Variants in LANCL2 observed in about 807,000 individuals in gnomAD.
The protein encoded by LANCL2 is LanC like glutathione S-transferase 2.
In LANCL2, 33 loss-of-function variants were observed where a neutral mutation model predicts 56.9. The observed-to-expected ratio is 0.58, with a 90% CI of 0.44 to 0.78. LANCL2 has a LOEUF of 0.78. Ranked by LOEUF, LANCL2 falls within the 30% of genes least tolerant of loss-of-function variation. LANCL2 has a pLI of 0.00. For missense variants in LANCL2, 562 were observed against 580.2 expected (o/e 0.97, Z 0.32); for synonymous variants, 233 against 228.2 (o/e 1.02, Z -0.19).
intron 1 of LANCL2, among the ~76,000 whole-genome samples, chr7:55,390,544 T>C (rs912897443): frequency 6.6e-6 from 1 of 152,128 alleles, no homozygotes; most frequent in African/African-American, 2.4e-5. Context: ...AGGCAGAGGT[T>C]GCAGTGAGCC....
In LANCL2 at chr7:55,401,160, T is replaced by G; in HGVS notation, c.679-14T>G. On this transcript the variant is annotated splice_polypyrimidine_tract_variant and intron_variant, in intron 4 of 8. Coordinates refer to ENST00000254770, the MANE Select transcript of LANCL2 (RefSeq NM_018697.4). ...ATACAGTTTTAGATTTATGCTGTCT[T>G]GTTATCTCTGTAGGTAGTCAATGCT... The G allele has an allele frequency of 6.2e-7, 1 of 1,612,812 alleles. No homozygotes were observed. The highest frequency in any genetic ancestry group is 8.5e-7 in the Non-Finnish European group (1 of 1,178,862).
At chr7:55,375,800 T>C (rs1349779583) in intron 1 of LANCL2, among the ~76,000 whole-genome samples, 1 of 152,200 alleles carries the variant, frequency 6.6e-6, no homozygotes, top group Non-Finnish European at 1.5e-5. Context: ...TTGAAGCTGT[T>C]GGCCAAATCC....
chr7:55,377,456 C>CTTCCCCTA (rs1484452627), intron 1 of LANCL2, among the ~76,000 whole-genome samples: 2 of 152,104 alleles, frequency 1.3e-5, no homozygotes, highest in Non-Finnish European at 2.9e-5. Context: ...TTTCTGTCTC[C>CTTCCCCTA]TTCCCCTATT....
intron 1 of LANCL2, among the ~76,000 whole-genome samples, chr7:55,389,137 G>A: frequency 6.6e-6 from 1 of 152,194 alleles, no homozygotes; most frequent in East Asian, 1.9e-4. Context: ...TTCTGCATAG[G>A]AGCCATGCTG....
At chr7:55,408,503 T>TA (rs751792291) in intron 5 of LANCL2, among the ~76,000 whole-genome samples, 111 of 151,876 alleles carry the variant, frequency 7.3e-4, no homozygotes, top group Middle Eastern at 3.4e-3. Flanking sequence ...CCGTCTCTAC[T>TA]AAAAAAATAC....
chr7:55,413,822 A>C lies in LANCL2; in HGVS notation c.1008+1733A>C, dbSNP rs540369291. Among the ~76,000 whole-genome samples, 3 of 152,350 alleles carry C rather than the reference A, an allele frequency of 2.0e-5. No homozygotes were observed. The East Asian group carries it at 5.8e-4, about 29-fold the overall frequency. Reference sequence around the variant, plus strand: ...TCTTTAAAACTTAATTCTGTCCTCTACATTAAGATTCTTGAACATGAGGAA... The same window carrying C: ...TCTTTAAAACTTAATTCTGTCCTCTCCATTAAGATTCTTGAACATGAGGAA... On this transcript the variant is annotated intron_variant, in intron 6 of 8. Coordinates refer to ENST00000254770, the MANE Select transcript of LANCL2 (RefSeq NM_018697.4).
intron 1 of LANCL2, among the ~76,000 whole-genome samples, chr7:55,389,253 G>T (rs568905740): frequency 2.0e-5 from 3 of 152,228 alleles, no homozygotes; most frequent in African/African-American, 7.2e-5. Flanking sequence ...AATAAATGGG[G>T]TCTGTCCCAC....
chr7:55,369,478 G>A (rs1321066923), intron 1 of LANCL2, among the ~76,000 whole-genome samples: 3 of 152,106 alleles, frequency 2.0e-5, no homozygotes, highest in African/African-American at 7.2e-5. Context: ...CCATAAATTG[G>A]TATTTATAAC....
At chr7:55,394,039 T>A (rs546470950) in intron 2 of LANCL2, 1 of 152,192 alleles carries the variant, frequency 6.6e-6, no homozygotes, top group Non-Finnish European at 1.5e-5. Flanking sequence ...TGCATCACAA[T>A]TACCAAGAGA....
chr7:55,382,005 G>A (rs1480379375), intron 1 of LANCL2, among the ~76,000 whole-genome samples: 2 of 152,196 alleles, frequency 1.3e-5, no homozygotes, highest in Admixed American at 1.3e-4. Context: ...TTTAAGTCCT[G>A]CTTTTAGGTA....
intron 1 of LANCL2, among the ~76,000 whole-genome samples, chr7:55,368,896 G>A (rs1030624479): frequency 6.6e-6 from 1 of 152,226 alleles, no homozygotes; most frequent in African/African-American, 2.4e-5. Flanking sequence ...TGTAATACCA[G>A]CACTTTGGGA....
At chr7:55,430,393 C>T (rs1790714666) in intron 8 of LANCL2, among the ~76,000 whole-genome samples, 1 of 152,162 alleles carries the variant, frequency 6.6e-6, no homozygotes, top group Non-Finnish European at 1.5e-5. Flanking sequence ...TGGCCATGCT[C>T]ATAAGAGTGC....
intron 2 of LANCL2, among the ~76,000 whole-genome samples, chr7:55,397,921 G>A (rs907884159): frequency 1.3e-5 from 2 of 151,700 alleles, no homozygotes; most frequent in Non-Finnish European, 2.9e-5. Context: ...CAGTTGTAGG[G>A]TTGTTCACTA....
intron 7 of LANCL2, 58 bp downstream of exon 7, chr7:55,425,488 G>A (rs1361131584): frequency 3.4e-6 from 5 of 1,490,874 alleles, no homozygotes; most frequent in Non-Finnish European, 2.8e-6. Flanking sequence ...ACAGAATCCA[G>A]AGTCCAGAAG....
At chr7:55,408,536 G>C (rs1790436179) in intron 5 of LANCL2, among the ~76,000 whole-genome samples, 1 of 152,142 alleles carries the variant, frequency 6.6e-6, no homozygotes, top group African/African-American at 2.4e-5. Context: ...GGGCCTCATA[G>C]CGGGCACCTG....
In LANCL2 at chr7:55,431,447, A is replaced by T; in HGVS notation, c.*127A>T. 1 of 620,860 alleles carries T rather than the reference A, an allele frequency of 1.6e-6. No homozygotes were observed. Among genetic ancestry groups the T allele is most frequent in the Non-Finnish European group, 2.8e-6 (1 of 362,480 alleles). The allele number at this position is 620,860 out of a possible 1,614,324, so 38.5% of individuals were successfully genotyped here. On this transcript the variant is annotated 3_prime_UTR_variant, in exon 9 of 9. Coordinates refer to ENST00000254770, the MANE Select transcript of LANCL2 (RefSeq NM_018697.4). ...CACCGTCACAGGCCCCTCTGGTTAG[A>T]CTAGCATGAGTGACCGAAGCCATCC...
At chr7:55,384,416 G>A (rs1385568232) in intron 1 of LANCL2, among the ~76,000 whole-genome samples, 1 of 152,108 alleles carries the variant, frequency 6.6e-6, no homozygotes. Context: ...GCCGGGTGTG[G>A]TGGCGGGCAC....
At position 55,365,947 on chromosome 7, in the gene LANCL2, C is replaced by G. The variant is rs1306766411; in HGVS notation, c.-79C>G. The G allele has an allele frequency of 8.4e-7, 1 of 1,191,046 alleles. No individual in the cohort carries two copies. Among genetic ancestry groups the G allele is most frequent in the Admixed American group, 3.8e-5 (1 of 26,628 alleles). 73.8% of individuals were successfully genotyped at this position (1,191,046 alleles called of 1,614,324 possible). On this transcript the variant is annotated 5_prime_UTR_variant, in exon 1 of 9. Transcript: ENST00000254770. ...AGAGGACGCTCTCTGCGCGGGCCCT[C>G]GGAGGAGGCGGCGGCGGGGCGAGCT... is the stretch of plus-strand genomic sequence containing the variant.
At chr7:55,388,713 C>G (rs7796351) in intron 1 of LANCL2, among the ~76,000 whole-genome samples, 54,890 of 152,114 alleles carry the variant, frequency 0.36, 10,430 homozygotes, top group East Asian at 0.55. Flanking sequence ...GAATTTTTCC[C>G]ATCTCTTCAA....
Sources: allele counts gnomAD v4.1 joint callset (sites outside exome capture counted in the v4.1 genomes callset), GRCh38; gene constraint gnomAD v4.1.1; transcripts MANE v1.5; gene names NCBI Gene and HGNC (gene_info 2026-07-23, HGNC 2026-07-21).